PHF2: variants seen among roughly 807,000 people sequenced by gnomAD.
PHF2 encodes the protein PHD finger protein 2, also known as lysine-specific demethylase PHF2.
PHF2 carries 27 observed loss-of-function variants against 120.5 expected under a neutral mutation model. The ratio of observed to expected loss-of-function variants is 0.22; its 90% CI spans 0.17 to 0.31. The LOEUF (loss-of-function observed/expected upper bound fraction) is 0.31. Ranked by LOEUF, PHF2 falls within the 10% of genes least tolerant of loss-of-function variation. The pLI is 1.00. For missense variants in PHF2, 1,024 were observed against 1,434.8 expected (o/e 0.71, Z 4.63); for synonymous variants, 568 against 592.5 (o/e 0.96, Z 0.60).
intron 16 of PHF2, 147 bp downstream of exon 16, chr9:93,666,207 A>G: frequency 1.5e-6 from 1 of 684,102 alleles, no homozygotes; most frequent in Non-Finnish European, 2.5e-6. Flanking sequence ...CCACCCTTTC[A>G]TGAGTGTTCT....
At chr9:93,608,921 A>G (rs1317173676) in intron 1 of PHF2, among the ~76,000 whole-genome samples, 3 of 151,772 alleles carry the variant, frequency 2.0e-5, no homozygotes, top group Non-Finnish European at 2.9e-5. Context: ...TTGGATTAAT[A>G]TATACCGTAT....
chr9:93,647,275 C>G (rs1826277538), intron 4 of PHF2, among the ~76,000 whole-genome samples: 1 of 152,218 alleles, frequency 6.6e-6, no homozygotes, highest in African/African-American at 2.4e-5. Context: ...AATTTCCTCC[C>G]TTCCACAGCT....
intron 1 of PHF2, among the ~76,000 whole-genome samples, chr9:93,618,858 GGTGTTC>G (rs1825774450): frequency 5.7e-3 from 9 of 1,568 alleles, no homozygotes; most frequent in East Asian, 0.011. Context: ...GCCTGTGTGT[GGTGTTC>G]GTGTGTCTCT....
chr9:93,578,161 G>A lies in PHF2; in HGVS notation c.98+1290G>A, dbSNP rs562716077. Among the ~76,000 whole-genome samples, 3 of 152,278 alleles carry A rather than the reference G, an allele frequency of 2.0e-5. No homozygotes were observed. In the South Asian group the frequency reaches 6.2e-4, roughly 32 times the overall value. On this transcript the variant is annotated intron_variant, in intron 1 of 21. Coordinates refer to ENST00000359246, the MANE Select transcript of PHF2 (RefSeq NM_005392.4). ...GGACCTGGGTGGCTGGGATGTGACA[G>A]GGCCTGCTATGTCTGTCAGCCCCAG...
intron 3 of PHF2, among the ~76,000 whole-genome samples, chr9:93,640,983 G>A (rs1188730243): frequency 6.6e-6 from 1 of 152,166 alleles, no homozygotes; most frequent in African/African-American, 2.4e-5. Context: ...AACAGAGTCT[G>A]TGTCTGCAGC....
intron 17 of PHF2, chr9:93,671,009 G>T: frequency 1.0e-6 from 1 of 985,062 alleles, no homozygotes; most frequent in Non-Finnish European, 1.2e-6. Flanking sequence ...AGATGCAGCT[G>T]CAGGTCTATG....
chr9:93,645,467 A>G (rs1163984479), intron 3 of PHF2, among the ~76,000 whole-genome samples, 162 bp from the exon 4 acceptor site: 1 of 152,128 alleles, frequency 6.6e-6, no homozygotes, highest in Non-Finnish European at 1.5e-5. Flanking sequence ...TGGCTGCTCT[A>G]TCGTCCCATT....
intron 1 of PHF2, among the ~76,000 whole-genome samples, chr9:93,579,463 C>T (rs147925600): frequency 1.3e-3 from 203 of 152,276 alleles, no homozygotes; most frequent in African/African-American, 4.4e-3. Context: ...ACGCTGGTGC[C>T]GGGCTGCTGA....
chr9:93,621,657 G>A, intron 1 of PHF2, among the ~76,000 whole-genome samples: 1 of 152,192 alleles, frequency 6.6e-6, no homozygotes, highest in East Asian at 1.9e-4. Context: ...CCTGACCTTT[G>A]TGCCTCTGAG....
At position 93,654,458 on chromosome 9, in the gene PHF2, T is replaced by C; in HGVS notation, c.835T>C (p.Ser279Pro). 6.2e-7 allele frequency: 1 copy of C among 1,613,882 alleles called. No homozygotes were observed. The highest frequency in any genetic ancestry group is 8.5e-7 in the Non-Finnish European group (1 of 1,179,968). ...CATCAGGCCGGCCTCGGCCAACATC[T>C]CCCTGTATGAGCGCTGGCGGTCTGC... Reference protein sequence around the residue: ...YLIRPASANISLYERWRSASN... With the variant: ...YLIRPASANIPLYERWRSASN... The change falls in exon 7 of 22, where the codon TCC (serine) becomes CCC (proline). Residue 279 changes from serine (S) to proline (P), a missense_variant. By Grantham distance (74) the Ser-to-Pro change is moderately conservative. Around this residue, in one of 2 missense-constraint regions of PHF2, gnomAD observed 347 missense variants for 577.4 expected, o/e 0.60. Coordinates refer to ENST00000359246, the MANE Select transcript of PHF2 (RefSeq NM_005392.4).
At chr9:93,639,052 A>G (rs113405501) in intron 3 of PHF2, among the ~76,000 whole-genome samples, 7 of 152,220 alleles carry the variant, frequency 4.6e-5, no homozygotes, top group African/African-American at 1.4e-4. Flanking sequence ...TGTTTTGATC[A>G]TTCTAGGTCC....
At chr9:93,609,711 A>G (rs1280843582) in intron 1 of PHF2, among the ~76,000 whole-genome samples, 1 of 150,606 alleles carries the variant, frequency 6.6e-6, no homozygotes, top group Non-Finnish European at 1.5e-5. Flanking sequence ...TTATTTTCTT[A>G]TTTTTTTTCG....
chr9:93,645,159 A>G (rs1748784153), intron 3 of PHF2, among the ~76,000 whole-genome samples: 1 of 152,204 alleles, frequency 6.6e-6, no homozygotes, highest in Admixed American at 6.5e-5. Flanking sequence ...TATCAGAGCC[A>G]TCTTAGTGGC....
At chr9:93,626,847 A>G (rs891722758) in intron 1 of PHF2, among the ~76,000 whole-genome samples, 13 of 152,238 alleles carry the variant, frequency 8.5e-5, no homozygotes, top group African/African-American at 3.1e-4. Flanking sequence ...TTCCTTCTCC[A>G]TTGCATGGTC....
At chr9:93,610,016 T>C (rs761883325) in intron 1 of PHF2, among the ~76,000 whole-genome samples, 12 of 152,112 alleles carry the variant, frequency 7.9e-5, no homozygotes, top group Non-Finnish European at 1.3e-4. Flanking sequence ...TTTCAAGATA[T>C]TCTTTTTGTG....
chr9:93,619,637 C>T lies in PHF2; in HGVS notation c.99-10333C>T, dbSNP rs368551197. ...GTGTGCCATGCCTGCTGGTGGCTTC[C>T]GGTAGCCCGTGCTCCATACCTGCTG... On this transcript the variant is annotated intron_variant, in intron 1 of 21. Transcript: ENST00000359246. Among the ~76,000 whole-genome samples the T allele has an allele frequency of 4.6e-5, 7 of 152,036 alleles. No individual in the cohort carries two copies. The South Asian group carries it at 6.2e-4, about 14-fold the overall frequency.
chr9:93,668,492 C>G (rs1276886494), intron 17 of PHF2, among the ~76,000 whole-genome samples: 1 of 152,114 alleles, frequency 6.6e-6, no homozygotes, highest in African/African-American at 2.4e-5. Context: ...CATGGAGAGG[C>G]CTGGGGGTCC....
At chr9:93,589,095 C>T (rs1242304850) in intron 1 of PHF2, among the ~76,000 whole-genome samples, 1 of 152,122 alleles carries the variant, frequency 6.6e-6, no homozygotes, top group African/African-American at 2.4e-5. Flanking sequence ...CCCTCAAGGT[C>T]CAGGGATTCT....
chr9:93,645,686 G>A lies in PHF2; in HGVS notation c.357G>A (p.Glu119=). The change falls in exon 4 of 22, where the codon GAG becomes GAA. Residue 119 remains glutamate, a synonymous_variant. Coordinates refer to ENST00000359246, the MANE Select transcript of PHF2 (RefSeq NM_005392.4). The part of the protein sequence containing the change: ...PGSQLTLGYM[E]EHGFTEPILV... ...GTCAGCTCACGCTGGGCTACATGGA[G>A]GAGCACGGCTTCACCGAGCCCATCC... 1 of 1,612,880 alleles carries A rather than the reference G, an allele frequency of 6.2e-7. No homozygotes were observed. Among genetic ancestry groups the A allele is most frequent in the Non-Finnish European group, 8.5e-7 (1 of 1,179,528 alleles).
Sources: gnomAD v4.1 joint callset for allele counts (sites outside exome capture counted in the v4.1 genomes callset) on GRCh38, gnomAD v4.1.1 for gene constraint, gnomAD v4.1.1 regional missense constraint, MANE v1.5 for transcripts, NCBI Gene and HGNC (gene_info 2026-07-23, HGNC 2026-07-21) for gene names.